The following MYO1H variants were observed in gnomAD, a reference collection of about 807,000 sequenced individuals.
MYO1H encodes myosin IH.
A neutral mutation model predicts 149.3 loss-of-function variants in MYO1H; 118 were observed. That is an observed-to-expected ratio of 0.79 (90% confidence interval 0.68 to 0.92). MYO1H has a LOEUF of 0.92. Among genes scored for constraint, MYO1H ranks in the 40% least tolerant of loss-of-function variants. The pLI is 0.00. For synonymous variants in MYO1H, 447 were observed against 465.2 expected, an observed-to-expected ratio of 0.96 and a Z score of 0.50; for missense variants, 1,212 against 1,280.7, an observed-to-expected ratio of 0.95 and a Z score of 0.82.
In MYO1H at chr12:109,396,559, C is replaced by A. The variant is rs766750892; in HGVS notation, c.466C>A (p.Leu156Met). Residue 156 changes from leucine (L) to methionine (M), a missense_variant, in exon 4 of 32, where the codon CTG becomes ATG. By Grantham distance (15) the Leu-to-Met change is conservative (BLOSUM62 2). Coordinates refer to ENST00000310903, the Ensembl canonical transcript of MYO1H. ...ACTACAAATAGCCCGTGACAGACTGCTGTTCTCCAACCCAGTGCTGGAGGT... is the reference window on the plus strand; with the variant it reads ...ACTACAAATAGCCCGTGACAGACTGATGTTCTCCAACCCAGTGCTGGAGGT... 11 of 1,613,100 alleles carry A rather than the reference C, an allele frequency of 6.8e-6. No homozygotes were observed. The highest frequency in any genetic ancestry group is 9.3e-6 in the Non-Finnish European group (11 of 1,179,462).
Position 109,436,587 on chromosome 12 carries a change from C to T in MYO1H, c.2209+31C>T, listed in dbSNP as rs753927642. The T allele has an allele frequency of 4.0e-6, 6 of 1,507,792 alleles. No individual in the cohort carries two copies. In the African/African-American group the frequency reaches 4.1e-5, roughly 10 times the overall value. 93.4% of individuals were successfully genotyped at this position (1,507,792 alleles called of 1,614,324 possible). A position where few individuals can be genotyped will look rare whatever the true frequency, so the allele number is the denominator to read the frequency against. ...AATTAAATAGAAACAAATAAGTTTG[C>T]TCCCTTTCTCATCTGCTTGGCACCT... On this transcript the variant is annotated intron_variant, in intron 22 of 31. Coordinates refer to ENST00000310903, the Ensembl canonical transcript of MYO1H.
At chr12:109,354,618 T>TTAAAA (rs558745249) in intron 1 of MYO1H, among the ~76,000 whole-genome samples, 52 of 119,386 alleles carry the variant, frequency 4.4e-4, no homozygotes, top group East Asian at 1.4e-3. Context: ...AGACTCTGTC[T>TTAAAA]AAAAAAAAAA....
chr12:109,389,402 GC>G (rs1369759419), intron 2 of MYO1H, among the ~76,000 whole-genome samples: 1 of 152,112 alleles, frequency 6.6e-6, no homozygotes, highest in Non-Finnish European at 1.5e-5. Flanking sequence ...TACCAGGCCT[GC>G]CCCTGAAGGT....
At chr12:109,344,262 G>A (rs995305912), upstream of MYO1H, among the ~76,000 whole-genome samples, 1 of 151,982 alleles carries the variant, frequency 6.6e-6, no homozygotes, top group South Asian at 2.1e-4. Flanking sequence ...ATGACACCAA[G>A]AAAACTGTTA....
rs187309244 is a variant in MYO1H, at chr12:109,381,907, G to T, written c.13-6776G>T. ...TTTGTAATGATATTAAAAACTCATT[G>T]TCACCTTGGGAGGAAGCAGTGGAAC... is the stretch of plus-strand genomic sequence containing the variant. On this transcript the variant is annotated intron_variant, in intron 1 of 31. Transcript: ENST00000310903. Among the ~76,000 whole-genome samples, 317 of 152,268 alleles carry T rather than the reference G, an allele frequency of 2.1e-3. 2 individuals carry two copies. Among genetic ancestry groups the T allele is most frequent in the Non-Finnish European group, 3.7e-3 (254 of 68,022 alleles).
chr12:109,414,282 C>T (rs1328406036), intron 14 of MYO1H, among the ~76,000 whole-genome samples: 2 of 151,896 alleles, frequency 1.3e-5, no homozygotes, highest in African/African-American at 4.8e-5. Flanking sequence ...TCAAGACCAG[C>T]CTGGCCAACA....
chr12:109,382,986 T>C (rs1459168783), intron 1 of MYO1H, among the ~76,000 whole-genome samples: 1 of 151,218 alleles, frequency 6.6e-6, no homozygotes, highest in Non-Finnish European at 1.5e-5. Flanking sequence ...TGACAATACA[T>C]GTGAAGGAAG....
chr12:109,447,071 C>A, intron 31 of MYO1H, 88 bp from the exon 32 acceptor site: 2 of 1,335,854 alleles, frequency 1.5e-6, no homozygotes, highest in Non-Finnish European at 2.1e-6. Flanking sequence ...ACCCACCTTG[C>A]TAATGGTGAC....
At chr12:109,361,341 C>G (rs2137005389) in intron 1 of MYO1H, among the ~76,000 whole-genome samples, 1 of 152,268 alleles carries the variant, frequency 6.6e-6, no homozygotes, top group Non-Finnish European at 1.5e-5. Flanking sequence ...TCCCTTCATA[C>G]CCACTAAAGA....
In MYO1H at chr12:109,423,457, C is replaced by T. The variant is rs1470190951; in HGVS notation, c.1645-1291C>T. ...GATTACAGGCGTGAGCGACCACGCT[C>T]GGCCACATTTTAATCATTTTAAAGT... On this transcript the variant is annotated intron_variant, in intron 16 of 31. Coordinates refer to ENST00000310903, the Ensembl canonical transcript of MYO1H. Among the ~76,000 whole-genome samples, 10 of 152,184 alleles carry T rather than the reference C, an allele frequency of 6.6e-5. No homozygotes were observed. The East Asian group carries it at 1.2e-3, about 18-fold the overall frequency.
upstream of MYO1H, among the ~76,000 whole-genome samples, chr12:109,347,256 G>A (rs1481865802): frequency 3.3e-5 from 5 of 152,168 alleles, no homozygotes; most frequent in Admixed American, 2.0e-4. Context: ...AACAAGAATA[G>A]AACTTTATAC....
At chr12:109,409,438 G>A (rs989161513) in intron 10 of MYO1H, 119 bp from the exon 11 acceptor site, 174 of 874,478 alleles carry the variant, frequency 2.0e-4, no homozygotes, top group Admixed American at 5.3e-4. Flanking sequence ...TTTCCGCATT[G>A]TTGGAGACAG....
At chr12:109,434,284 G>A (rs112299392) in intron 20 of MYO1H, among the ~76,000 whole-genome samples, 15,980 of 152,118 alleles carry the variant, frequency 0.11, 1,148 homozygotes, top group African/African-American at 0.2. Context: ...TGCTGGGATT[G>A]CAGGCGTGAG....
intron 1 of MYO1H, among the ~76,000 whole-genome samples, chr12:109,380,339 T>A (rs957845279): frequency 1.3e-5 from 2 of 151,930 alleles, no homozygotes; most frequent in Non-Finnish European, 2.9e-5. Flanking sequence ...AAAACAAAAT[T>A]AAATTTAAAA....
At chr12:109,349,924 G>A (rs1868426615) in intron 1 of MYO1H, among the ~76,000 whole-genome samples, 1 of 146,684 alleles carries the variant, frequency 6.8e-6, no homozygotes, top group South Asian at 2.1e-4. Context: ...TCACGCCACT[G>A]CACTCCAGCC....
chr12:109,336,481 C>T, the MYO1H span, among the ~76,000 whole-genome samples: 1 of 152,192 alleles, frequency 6.6e-6, no homozygotes, highest in African/African-American at 2.4e-5. Context: ...CTGACATCAG[C>T]ACTTGGTCTT....
intron 1 of MYO1H, among the ~76,000 whole-genome samples, chr12:109,353,859 G>A (rs983760248): frequency 6.6e-6 from 1 of 152,002 alleles, no homozygotes; most frequent in Non-Finnish European, 1.5e-5. Context: ...TCACCATGTC[G>A]GCCAGGCTGG....
At chr12:109,443,723 C>T (rs955488685) in intron 28 of MYO1H, 74 bp downstream of exon 28, 57 of 1,555,784 alleles carry the variant, frequency 3.7e-5, no homozygotes, top group Admixed American at 1.4e-4. Flanking sequence ...ATGAAGCTCC[C>T]AAATGGGAAA....
At position 109,411,804 on chromosome 12, in the gene MYO1H, G is replaced by C. The variant is rs1206202283; in HGVS notation, c.1411-90G>C. On this transcript the variant is annotated intron_variant, in intron 13 of 31. Coordinates refer to ENST00000310903, the Ensembl canonical transcript of MYO1H. ...CATGAATTGACAGTCTTTTAGTCCA[G>C]TACTTTCTGTTCCAGCTGGTGAAAG... 4.5e-6 allele frequency: 4 copies of C among 892,624 alleles called. No individual in the cohort carries two copies. In the African/African-American group the frequency reaches 6.8e-5, roughly 15 times the overall value. The allele number at this position is 892,624 out of a possible 1,614,324, so 55.3% of individuals were successfully genotyped here. A position where few individuals can be genotyped will look rare whatever the true frequency, so the allele number is the denominator to read the frequency against.
Sources: allele counts gnomAD v4.1 joint callset (sites outside exome capture counted in the v4.1 genomes callset), GRCh38; gene constraint gnomAD v4.1.1; transcripts MANE v1.5; gene names NCBI Gene and HGNC (gene_info 2026-07-23, HGNC 2026-07-21).